Variants in LAPTM4B observed in about 807,000 individuals in gnomAD.
LAPTM4B encodes lysosomal-associated transmembrane protein 4B.
In LAPTM4B, 26 loss-of-function variants were observed where a neutral mutation model predicts 28.5. The ratio of observed to expected loss-of-function variants is 0.91; its 90% CI spans 0.67 to 1.27. The LOEUF is 1.27. Ranked by LOEUF, LAPTM4B falls within the 50% of genes most tolerant of loss-of-function variation. LAPTM4B has a pLI of 0.00. For missense variants in LAPTM4B, 288 were observed against 285.8 expected, an observed-to-expected ratio of 1.01 and a Z score of -0.06; for synonymous variants, 109 against 106.4, an observed-to-expected ratio of 1.02 and a Z score of -0.15.
intron 1 of LAPTM4B, among the ~76,000 whole-genome samples, chr8:97,780,237 C>A (rs1816287934): frequency 6.6e-6 from 1 of 151,692 alleles, no homozygotes. Flanking sequence ...ACCAGCCTGG[C>A]TAACATGATG....
At chr8:97,795,313 C>T (rs868224724) in intron 1 of LAPTM4B, among the ~76,000 whole-genome samples, 1 of 151,958 alleles carries the variant, frequency 6.6e-6, no homozygotes, top group South Asian at 2.1e-4. Context: ...TAGTCTTGAA[C>T]TCCTGGTCTC....
chr8:97,779,645 C>T (rs185423309), intron 1 of LAPTM4B, among the ~76,000 whole-genome samples: 4 of 150,188 alleles, frequency 2.7e-5, no homozygotes, highest in East Asian at 4.0e-4. Flanking sequence ...ATTATTCGGT[C>T]GTGGTGGCAT....
chr8:97,792,798 G>T (rs1816524258), intron 1 of LAPTM4B, among the ~76,000 whole-genome samples: 1 of 151,328 alleles, frequency 6.6e-6, no homozygotes, highest in Non-Finnish European at 1.5e-5. Context: ...GGCTGGTTTC[G>T]AACTCCTGAC....
At chr8:97,841,888 A>G (rs887122018) in intron 6 of LAPTM4B, among the ~76,000 whole-genome samples, 3 of 152,222 alleles carry the variant, frequency 2.0e-5, no homozygotes, top group Non-Finnish European at 2.9e-5. Context: ...TGGAAAAGAA[A>G]ACATATTTTG....
Position 97,786,197 on chromosome 8 carries a change from T to A in LAPTM4B, c.99+10089T>A, listed in dbSNP as rs1816396956. Among the ~76,000 whole-genome samples the A allele has an allele frequency of 2.0e-5, 3 of 152,154 alleles. No individual in the cohort carries two copies. In the South Asian group the frequency reaches 6.2e-4, roughly 32 times the overall value. Reference sequence around the variant, plus strand: ...TGGAGACTGAATGAGAGTTGTTGAGTTATTGGTTAACTCATTGTGCTTGAC... The same window carrying A: ...TGGAGACTGAATGAGAGTTGTTGAGATATTGGTTAACTCATTGTGCTTGAC... On this transcript the variant is annotated intron_variant, in intron 1 of 6. Transcript: ENST00000521545.
intron 6 of LAPTM4B, among the ~76,000 whole-genome samples, chr8:97,827,866 G>GGGGTCACAGGCGGGAA (rs1381292517): frequency 6.6e-6 from 1 of 152,130 alleles, no homozygotes; most frequent in African/African-American, 2.4e-5. Flanking sequence ...GGCAGGGGAA[G>GGGGTCACAGGCGGGAA]GGGTCACAGG....
At chr8:97,782,512 C>T (rs1285992143) in intron 1 of LAPTM4B, among the ~76,000 whole-genome samples, 6 of 151,782 alleles carry the variant, frequency 4.0e-5, no homozygotes, top group African/African-American at 1.2e-4. Flanking sequence ...AGTCTCAGCT[C>T]ACTGCAACGT....
At chr8:97,820,304 C>CTTTTTTTTT (rs71570268) in intron 5 of LAPTM4B, among the ~76,000 whole-genome samples, 34 of 128,340 alleles carry the variant, frequency 2.6e-4, no homozygotes, top group Non-Finnish European at 3.2e-4. Context: ...TTCTTTCTTT[C>CTTTTTTTTT]TTTTTTTTTT....
intron 1 of LAPTM4B, among the ~76,000 whole-genome samples, chr8:97,778,072 C>T (rs1026318206): frequency 3.3e-5 from 5 of 152,170 alleles, no homozygotes; most frequent in African/African-American, 1.2e-4. Context: ...GGAGAGTACT[C>T]AGCATGCTTT....
intron 6 of LAPTM4B, among the ~76,000 whole-genome samples, chr8:97,849,322 G>A (rs1435569311): frequency 1.3e-5 from 2 of 152,146 alleles, no homozygotes; most frequent in African/African-American, 2.4e-5. Flanking sequence ...CTAGATTGCA[G>A]GCCCCTGAAC....
At chr8:97,777,784 A>G (rs979769456) in intron 1 of LAPTM4B, among the ~76,000 whole-genome samples, 3 of 152,250 alleles carry the variant, frequency 2.0e-5, no homozygotes, top group African/African-American at 7.2e-5. Flanking sequence ...GTAAAAGCCA[A>G]GAAATTCTTT....
intron 1 of LAPTM4B, among the ~76,000 whole-genome samples, chr8:97,783,012 A>G (rs1816346593): frequency 6.8e-6 from 1 of 147,298 alleles, no homozygotes; most frequent in Non-Finnish European, 1.5e-5. Context: ...ACCTCAGGTG[A>G]TCTGCCCGCC....
chr8:97,831,234 G>A (rs545004651), intron 6 of LAPTM4B, among the ~76,000 whole-genome samples: 1 of 152,298 alleles, frequency 6.6e-6, no homozygotes, highest in East Asian at 1.9e-4. Flanking sequence ...TACGGAGGTA[G>A]GAAGACCAAA....
intron 2 of LAPTM4B, among the ~76,000 whole-genome samples, chr8:97,808,682 T>G (rs952210392): frequency 2.0e-5 from 3 of 152,138 alleles, no homozygotes; most frequent in Admixed American, 1.3e-4. Flanking sequence ...CTGGGTGCGG[T>G]GGCTCACACC....
rs926939613 is a variant in LAPTM4B, at chr8:97,829,696, C to CTTTTT, written c.603+4551_603+4555dup. ...TTGCTGAATTTTTCTTTTCTTTCTT[C>CTTTTT]TTTTTTTTTTTTGAGACAAGAGTCT... On this transcript the variant is annotated intron_variant, in intron 6 of 6. Transcript: ENST00000521545. Among the ~76,000 whole-genome samples the CTTTTT allele has an allele frequency of 1.8e-3, 268 of 147,346 alleles. 1 individual carries two copies. The highest frequency in any genetic ancestry group is 6.5e-3 in the African/African-American group (261 of 40,164).
At chr8:97,832,686 A>ATTTCAT (rs1211211373) in intron 6 of LAPTM4B, among the ~76,000 whole-genome samples, 1 of 76,402 alleles carries the variant, frequency 1.3e-5, no homozygotes, top group East Asian at 4.9e-4. Flanking sequence ...TTTTTATTTT[A>ATTTCAT]TTTTATTTTA....
At position 97,851,444 on chromosome 8, in the gene LAPTM4B, G is replaced by T; in HGVS notation, c.651G>T (p.Lys217Asn). ...YDDATVNGAAKEPPPPYVSA is the reference protein window; with the variant it reads ...YDDATVNGAANEPPPPYVSA Reference sequence around the variant, plus strand: ...ATGCCACTGTGAATGGTGCTGCCAAGGAGCCACCGCCACCTTACGTGTCTG... The same window carrying T: ...ATGCCACTGTGAATGGTGCTGCCAATGAGCCACCGCCACCTTACGTGTCTG... Residue 217 changes from lysine (K) to asparagine (N), a missense_variant, in exon 7 of 7, where the codon AAG becomes AAT. By Grantham distance (94) the Lys-to-Asn change is moderately conservative. Transcript: ENST00000521545. 1 of 1,614,166 alleles carries T rather than the reference G, an allele frequency of 6.2e-7. No individual in the cohort carries two copies. The highest frequency in any genetic ancestry group is 8.5e-7 in the Non-Finnish European group (1 of 1,180,022).
intron 2 of LAPTM4B, among the ~76,000 whole-genome samples, 192 bp downstream of exon 2, chr8:97,805,656 T>C (rs1487459484): frequency 1.4e-5 from 2 of 142,156 alleles, no homozygotes; most frequent in Non-Finnish European, 3.1e-5. Flanking sequence ...TCTATTTTCA[T>C]CTTATGTTAA....
Position 97,805,380 on chromosome 8 carries a change from T to G in LAPTM4B, c.127T>G (p.Leu43Val). 1 of 1,610,486 alleles carries G rather than the reference T, an allele frequency of 6.2e-7. No individual in the cohort carries two copies. Among genetic ancestry groups the G allele is most frequent in the Non-Finnish European group, 8.5e-7 (1 of 1,177,384 alleles). The change falls in exon 2 of 7, where the codon TTA becomes GTA. Residue 43 changes from leucine to valine, a missense_variant. Transcript: ENST00000521545. ...CATCAATGCTGTGGTACTGTTGATT[T>G]TATTGAGTGCCCTGGCTGATCCGGA... ...LIINAVVLLI[L>V]LSALADPDQY...
Sources: allele counts gnomAD v4.1 joint callset (sites outside exome capture counted in the v4.1 genomes callset), GRCh38; gene constraint gnomAD v4.1.1; transcripts MANE v1.5; gene names NCBI Gene and HGNC (gene_info 2026-07-23, HGNC 2026-07-21).